DENND5A: variants seen among roughly 807,000 people sequenced by gnomAD.
DENND5A encodes DENN domain-containing protein 5A.
Under a neutral mutation model 140.3 loss-of-function variants are expected in DENND5A, and 64 were observed. That is an observed-to-expected ratio of 0.46 (90% CI 0.37 to 0.56). The LOEUF is 0.56. DENND5A is among the 20% of genes least tolerant of loss of function. DENND5A has a pLI of 0.00. For synonymous variants in DENND5A, 605 were observed against 607.7 expected (o/e 1.00, Z 0.07); for missense variants, 1,292 against 1,593.8 (o/e 0.81, Z 3.22).
At chr11:9,202,584 G>C (rs1379327437) in intron 4 of DENND5A, among the ~76,000 whole-genome samples, 1 of 152,124 alleles carries the variant, frequency 6.6e-6, no homozygotes, top group East Asian at 1.9e-4. Flanking sequence ...AAAAAAAATT[G>C]AAAACTCTGA....
At chr11:9,251,690 CTT>C (rs1394175013) in intron 1 of DENND5A, among the ~76,000 whole-genome samples, 2 of 152,152 alleles carry the variant, frequency 1.3e-5, no homozygotes, top group Non-Finnish European at 2.9e-5. Context: ...CACTTAGTAA[CTT>C]TTAAGAACTA....
intron 1 of DENND5A, among the ~76,000 whole-genome samples, chr11:9,228,373 G>A (rs1291698743): frequency 6.6e-6 from 1 of 152,138 alleles, no homozygotes; most frequent in Non-Finnish European, 1.5e-5. Flanking sequence ...CCTGCAGAGA[G>A]GAGAGAGACG....
rs55812362 is a variant in DENND5A at position 9,179,500 on chromosome 11, C to CTTTT, written c.1456-431_1456-428dup. Among the ~76,000 whole-genome samples, 9 of 138,496 alleles carry CTTTT rather than the reference C, an allele frequency of 6.5e-5. No individual in the cohort carries two copies. In the South Asian group the frequency reaches 7.0e-4, roughly 11 times the overall value. The allele number at this position is 138,496 out of a possible 152,430, so 90.9% of individuals were successfully genotyped here. ...ACTTTCCTTCTTTCTGCAAAAAAACCTTTTTTTTTTTTTTTTGAGACAGAG... is the reference window on the plus strand; with the variant it reads ...ACTTTCCTTCTTTCTGCAAAAAAACCTTTTTTTTTTTTTTTTTTTTGAGACAGAG... On this transcript the variant is annotated intron_variant, in intron 6 of 22. Transcript: ENST00000328194.
At chr11:9,206,139 C>A (rs927166043) in intron 3 of DENND5A, among the ~76,000 whole-genome samples, 1 of 152,086 alleles carries the variant, frequency 6.6e-6, no homozygotes, top group Non-Finnish European at 1.5e-5. Flanking sequence ...ATATAAAATG[C>A]TTATTAGAGT....
At position 9,204,180 on chromosome 11, in the gene DENND5A, G is replaced by A; in HGVS notation, c.429C>T (p.Ser143=). 1 of 1,614,094 alleles carries A rather than the reference G, an allele frequency of 6.2e-7. No individual in the cohort carries two copies. The highest frequency in any genetic ancestry group is 8.5e-7 in the Non-Finnish European group (1 of 1,180,028). Residue 143 remains serine (S), a synonymous_variant, in exon 4 of 23, where the codon AGC becomes AGT. Coordinates refer to ENST00000328194, the MANE Select transcript of DENND5A (RefSeq NM_015213.4). ...FALTFYEEVT[S]KQICSAMQTL... is the part of the protein sequence containing the mutation. ...TCTGCATTGCACTGCAGATCTGCTT[G>A]CTAGTCACCTCTTCATAAAATGTGA...
chr11:9,225,064 A>G (rs1209212358), intron 1 of DENND5A, among the ~76,000 whole-genome samples: 2 of 152,108 alleles, frequency 1.3e-5, no homozygotes, highest in Non-Finnish European at 2.9e-5. Flanking sequence ...TCTATGTGTA[A>G]TCTAACTACT....
chr11:9,257,772 G>A (rs536312306), intron 1 of DENND5A, among the ~76,000 whole-genome samples: 43 of 149,548 alleles, frequency 2.9e-4, no homozygotes, highest in East Asian at 4.0e-4. Context: ...GTGAGCCACC[G>A]CGCCCAGCCA....
chr11:9,238,013 CG>C (rs1851075522), intron 1 of DENND5A, among the ~76,000 whole-genome samples: 1 of 152,146 alleles, frequency 6.6e-6, no homozygotes, highest in South Asian at 2.1e-4. Flanking sequence ...AAATACTCCA[CG>C]GGTCCACCAG....
intron 4 of DENND5A, among the ~76,000 whole-genome samples, chr11:9,198,309 T>A (rs1448498139): frequency 3.1e-4 from 43 of 138,968 alleles, no homozygotes; most frequent in African/African-American, 9.3e-4. Flanking sequence ...CACTCCACTT[T>A]AAAAAAAAAA....
rs529243582 is a variant in DENND5A, at chr11:9,234,320, C to G, written c.110-26688G>C. ...CTCAATCTTTCCCACCGATCCCCCC[C>G]CCAAAAAAATGAGCAAAAAGAGAAA... On this transcript the variant is annotated intron_variant, in intron 1 of 22. Coordinates refer to ENST00000328194, the MANE Select transcript of DENND5A (RefSeq NM_015213.4). 1.7e-4 allele frequency among the ~76,000 whole-genome samples: 26 copies of G among 152,064 alleles called. No homozygotes were observed. In the East Asian group the frequency reaches 4.4e-3, roughly 26 times the overall value.
chr11:9,224,121 G>C (rs1023508215), intron 1 of DENND5A, among the ~76,000 whole-genome samples: 3 of 152,164 alleles, frequency 2.0e-5, no homozygotes, highest in African/African-American at 7.2e-5. Context: ...TTGAACCTGG[G>C]AGGCAGAGGT....
chr11:9,246,214 T>C (rs1258574756), intron 1 of DENND5A, among the ~76,000 whole-genome samples: 2 of 152,172 alleles, frequency 1.3e-5, no homozygotes, highest in African/African-American at 2.4e-5. Flanking sequence ...GATGTTTGCT[T>C]TCCCCACACA....
intron 1 of DENND5A, among the ~76,000 whole-genome samples, chr11:9,222,259 C>T (rs1307963859): frequency 6.6e-6 from 1 of 151,536 alleles, no homozygotes; most frequent in African/African-American, 2.4e-5. Flanking sequence ...CCAAACATAT[C>T]ATTTTATTTA....
At chr11:9,256,667 G>A (rs1851958722) in intron 1 of DENND5A, among the ~76,000 whole-genome samples, 1 of 152,166 alleles carries the variant, frequency 6.6e-6, no homozygotes, top group African/African-American at 2.4e-5. Flanking sequence ...CCATTTATAT[G>A]AAATGTCAAA....
chr11:9,193,484 A>C lies in DENND5A; in HGVS notation c.1137+10T>G. 6.3e-7 allele frequency: 1 copy of C among 1,586,718 alleles called. No individual in the cohort carries two copies. Among genetic ancestry groups the C allele is most frequent in the Non-Finnish European group, 8.6e-7 (1 of 1,167,792 alleles). ...ATTGGGGCCAGAGGCACCAACACTCAAGATCTCACCTCTTGAGGCAGCTCC... is the reference window on the plus strand; with the variant it reads ...ATTGGGGCCAGAGGCACCAACACTCCAGATCTCACCTCTTGAGGCAGCTCC... On this transcript the variant is annotated intron_variant, in intron 5 of 22. Transcript: ENST00000328194.
chr11:9,220,314 G>A (rs1331088481), intron 1 of DENND5A, among the ~76,000 whole-genome samples: 1 of 152,100 alleles, frequency 6.6e-6, no homozygotes, highest in Non-Finnish European at 1.5e-5. Flanking sequence ...TTGGGAGGCC[G>A]ACGCGGGCAG....
intron 1 of DENND5A, among the ~76,000 whole-genome samples, chr11:9,264,309 A>G (rs1270738474): frequency 6.6e-6 from 1 of 152,084 alleles, no homozygotes; most frequent in Non-Finnish European, 1.5e-5. Flanking sequence ...TTTTATTCAC[A>G]AACGCCTCTG....
chr11:9,160,914 A>G, intron 11 of DENND5A, 49 bp from the exon 12 acceptor site: 1 of 1,590,024 alleles, frequency 6.3e-7, no homozygotes, highest in Non-Finnish European at 8.6e-7. Flanking sequence ...GAGCAGGATT[A>G]CATACAACCG....
intron 8 of DENND5A, among the ~76,000 whole-genome samples, chr11:9,176,138 G>T (rs1348487222): frequency 7.2e-5 from 11 of 152,340 alleles, no homozygotes; most frequent in Non-Finnish European, 1.5e-4. Flanking sequence ...AGTTGTCCAT[G>T]CAATTAGACT....
Sources: allele counts gnomAD v4.1 joint callset (sites outside exome capture counted in the v4.1 genomes callset), GRCh38; gene constraint gnomAD v4.1.1; transcripts MANE v1.5; gene names NCBI Gene and HGNC (gene_info 2026-07-23, HGNC 2026-07-21).